GNAL: variants seen among roughly 807,000 people sequenced by gnomAD.
The protein encoded by GNAL is G protein subunit alpha L, also known as guanine nucleotide-binding protein G(olf) subunit alpha.
A neutral mutation model predicts 55.1 loss-of-function variants in GNAL; 18 were observed. The observed-to-expected ratio is 0.33, with a 90% CI of 0.23 to 0.48. GNAL has a LOEUF of 0.48. GNAL is among the 20% of genes least tolerant of loss of function. The pLI, the probability that GNAL is intolerant of heterozygous loss-of-function variation, is 0.99. For synonymous variants in GNAL, 253 were observed against 237.0 expected (o/e 1.07, Z -0.62); for missense variants, 412 against 614.1 (o/e 0.67, Z 3.48).
rs1481550200 is a variant in GNAL, at chr18:11,751,905, G to T, written c.377-948G>T. On this transcript the variant is annotated intron_variant, in intron 1 of 11. Transcript: ENST00000334049. The surrounding 1 kb of genome is among the most constrained non-coding windows in gnomAD (Gnocchi z 4.5). ...CTGAGGAATAGCAGGGCGCGAGCCG[G>T]CCCGGCAGGTGCCCATCGTCGCCCT... Among the ~76,000 whole-genome samples the T allele has an allele frequency of 6.6e-6, 1 of 152,310 alleles. No individual in the cohort carries two copies. The highest frequency in any genetic ancestry group is 1.9e-4 in the East Asian group (1 of 5,162).
intron 1 of GNAL, among the ~76,000 whole-genome samples, chr18:11,691,177 T>C (rs1464851507): frequency 3.3e-5 from 5 of 151,990 alleles, no homozygotes; most frequent in African/African-American, 9.7e-5. Context: ...TGGTATCTCA[T>C]TGTGGTTTTG....
At chr18:11,768,628 C>T (rs1324061581) in intron 4 of GNAL, among the ~76,000 whole-genome samples, 3 of 148,076 alleles carry the variant, frequency 2.0e-5, no homozygotes, top group Non-Finnish European at 3.0e-5. Flanking sequence ...GGCGCAGTGG[C>T]TCACGCCTGT....
intron 4 of GNAL, among the ~76,000 whole-genome samples, chr18:11,754,853 T>A (rs1298375147): frequency 6.6e-6 from 1 of 152,230 alleles, no homozygotes; most frequent in Non-Finnish European, 1.5e-5. Flanking sequence ...GTGACATCAA[T>A]CTTAGTTTTC....
intron 10 of GNAL, among the ~76,000 whole-genome samples, chr18:11,873,337 C>T (rs780240433): frequency 6.6e-6 from 1 of 152,182 alleles, no homozygotes; most frequent in East Asian, 1.9e-4. Flanking sequence ...ATGGGAGAGG[C>T]ATTATATAAG....
At position 11,716,277 on chromosome 18, in the gene GNAL, C is replaced by T. The variant is rs570528620; in HGVS notation, c.376+26338C>T. On this transcript the variant is annotated intron_variant, in intron 1 of 11. Transcript: ENST00000334049. ...GTTACAGTTCTTAAAGGCGGCATGT[C>T]CAGAGTTTGTTCCTTCTGACGTTCG... Among the ~76,000 whole-genome samples the T allele has an allele frequency of 3.3e-5, 5 of 152,236 alleles. No individual in the cohort carries two copies. In the South Asian group the frequency reaches 1.0e-3, roughly 32 times the overall value.
chr18:11,851,422 G>A (rs2035860724), intron 5 of GNAL: 2 of 1,411,804 alleles, frequency 1.4e-6, no homozygotes, highest in Non-Finnish European at 9.3e-7. Context: ...CCAAAACAAA[G>A]GAGCGGCGGC....
intron 10 of GNAL, among the ~76,000 whole-genome samples, chr18:11,876,160 T>C (rs2036526715): frequency 6.6e-6 from 1 of 152,112 alleles, no homozygotes; most frequent in Non-Finnish European, 1.5e-5. Flanking sequence ...ACTATTAAAA[T>C]GATGTAGGAG....
intron 1 of GNAL, among the ~76,000 whole-genome samples, chr18:11,732,120 G>A (rs1354946144): frequency 2.0e-5 from 3 of 152,148 alleles, no homozygotes; most frequent in African/African-American, 7.2e-5. Context: ...GTGCTTTCAT[G>A]AATAATGCTG....
intron 1 of GNAL, among the ~76,000 whole-genome samples, chr18:11,743,062 C>G (rs573405558): frequency 2.0e-5 from 3 of 152,350 alleles, no homozygotes; most frequent in East Asian, 3.9e-4. Flanking sequence ...TACGAACCAT[C>G]TTCCCTTATG....
At chr18:11,863,289 G>T (rs1567899192) in intron 6 of GNAL, among the ~76,000 whole-genome samples, 1 of 152,126 alleles carries the variant, frequency 6.6e-6, no homozygotes, top group South Asian at 2.1e-4. Context: ...GAGACTTCAG[G>T]TGCTTCTAGA....
Position 11,689,352 on chromosome 18 carries a change from C to G in GNAL, c.-212C>G. 2.9e-6 allele frequency: 1 copy of G among 344,422 alleles called. No homozygotes were observed. Among genetic ancestry groups the G allele is most frequent in the East Asian group, 4.4e-5 (1 of 22,702 alleles). 21.3% of individuals were successfully genotyped at this position (344,422 alleles called of 1,614,324 possible). ...CACACAGCAGAAAATGCAAAATGACCCTCTGGGGCAGTGAGGGGCTGTGGC... is the reference window on the plus strand; with the variant it reads ...CACACAGCAGAAAATGCAAAATGACGCTCTGGGGCAGTGAGGGGCTGTGGC... On this transcript the variant is annotated 5_prime_UTR_variant, in exon 1 of 12. Transcript: ENST00000334049.
chr18:11,813,786 G>C (rs2034884441), intron 4 of GNAL, among the ~76,000 whole-genome samples: 3 of 152,210 alleles, frequency 2.0e-5, no homozygotes, highest in Non-Finnish European at 4.4e-5. Context: ...GCTGACATGG[G>C]AGGGTGGCTT....
chr18:11,739,755 CT>C (rs2032536737), intron 1 of GNAL, among the ~76,000 whole-genome samples: 1 of 151,986 alleles, frequency 6.6e-6, no homozygotes, highest in East Asian at 1.9e-4. Context: ...GGGGTCTCAC[CT>C]GTGGAAACCT....
intron 7 of GNAL, among the ~76,000 whole-genome samples, chr18:11,866,272 C>G (rs79694035): frequency 6.7e-6 from 1 of 150,248 alleles, no homozygotes; most frequent in South Asian, 2.1e-4. Flanking sequence ...GCGTGCCCCA[C>G]GTGTGCTAAT....
chr18:11,735,539 C>A (rs751069985), intron 1 of GNAL, among the ~76,000 whole-genome samples: 1 of 151,832 alleles, frequency 6.6e-6, no homozygotes, highest in Non-Finnish European at 1.5e-5. Flanking sequence ...TCACTTGAGC[C>A]CAGGAGTTCG....
rs2032843468 is a variant in GNAL at position 11,751,800 on chromosome 18, C to G, written c.377-1053C>G. 3.1e-6 allele frequency: 1 copy of G among 326,400 alleles called. No individual in the cohort carries two copies. The highest frequency in any genetic ancestry group is 2.2e-5 in the African/African-American group (1 of 44,834). The allele number at this position is 326,400 out of a possible 1,614,324, so 20.2% of individuals were successfully genotyped here. ...CTCCGAGAGCTCCGGGACCAGCGGC[C>G]CGGCCGCCCCCAAAGCCAGCCTCCC... On this transcript the variant is annotated intron_variant, in intron 1 of 11. Transcript: ENST00000334049. The surrounding 1 kb of genome is among the most constrained non-coding windows in gnomAD (Gnocchi z 4.5).
chr18:11,801,346 T>TTA (rs1262559669), intron 4 of GNAL, among the ~76,000 whole-genome samples: 1 of 151,848 alleles, frequency 6.6e-6, no homozygotes, highest in African/African-American at 2.4e-5. Context: ...AGGTCAGGAG[T>TTA]TAAAGACCAG....
At chr18:11,834,813 G>A (rs765063504) in intron 5 of GNAL, among the ~76,000 whole-genome samples, 2 of 152,176 alleles carry the variant, frequency 1.3e-5, no homozygotes, top group Non-Finnish European at 2.9e-5. Context: ...TCTGATAAAC[G>A]TTATATTTAT....
chr18:11,773,969 C>T (rs2033708159), intron 4 of GNAL, among the ~76,000 whole-genome samples: 1 of 152,162 alleles, frequency 6.6e-6, no homozygotes, highest in Admixed American at 6.5e-5. Context: ...TCTCTATGCT[C>T]AGTTTCCTCA....
Sources: allele counts gnomAD v4.1 joint callset (sites outside exome capture counted in the v4.1 genomes callset), GRCh38; gene constraint gnomAD v4.1.1; non-coding constraint Gnocchi (gnomAD v3.1); transcripts MANE v1.5; gene names NCBI Gene and HGNC (gene_info 2026-07-23, HGNC 2026-07-21).